CLCA1: variants seen among roughly 807,000 people sequenced by gnomAD.
The protein encoded by CLCA1 is calcium-activated chloride channel regulator 1.
In CLCA1, 59 loss-of-function variants were observed where a neutral mutation model predicts 85.6. The observed-to-expected ratio is 0.69, with a 90% CI of 0.56 to 0.86. The LOEUF is 0.86. CLCA1 is among the 40% of genes least tolerant of loss of function. The pLI, the probability that CLCA1 is intolerant of heterozygous loss-of-function variation, is 0.00. For missense variants in CLCA1, 1,022 were observed against 1,101.4 expected (o/e 0.93, Z 1.02); for synonymous variants, 396 against 398.3 (o/e 0.99, Z 0.07).
At chr1:86,496,020 AG>A (rs1222402591) in intron 12 of CLCA1, among the ~76,000 whole-genome samples, 1 of 152,198 alleles carries the variant, frequency 6.6e-6, no homozygotes, top group Non-Finnish European at 1.5e-5. Context: ...CTTACTTCAA[AG>A]CCCAGCCCTC....
rs1647871771 is a variant in CLCA1, at chr1:86,483,367, A to G, written c.735+985A>G. Among the ~76,000 whole-genome samples, 8 of 152,280 alleles carry G rather than the reference A, an allele frequency of 5.3e-5. No individual in the cohort carries two copies. The South Asian group carries it at 1.7e-3, about 32-fold the overall frequency. On this transcript the variant is annotated intron_variant, in intron 5 of 13. Coordinates refer to ENST00000394711, the MANE Select transcript of CLCA1 (RefSeq NM_001285.4). ...CATAAAAACATTACCGAAACACATG[A>G]CCTGAAAAACGCACATAAAGAGAAA...
intron 13 of CLCA1, among the ~76,000 whole-genome samples, chr1:86,499,289 C>T (rs1049650487): frequency 2.0e-5 from 3 of 152,206 alleles, no homozygotes; most frequent in African/African-American, 7.2e-5. Context: ...GTGATTTGTA[C>T]ACACATTACA....
intron 5 of CLCA1, among the ~76,000 whole-genome samples, chr1:86,484,589 CAAA>C (rs1647910521): frequency 2.0e-5 from 3 of 152,096 alleles, no homozygotes; most frequent in Admixed American, 2.0e-4. Flanking sequence ...TGAGGTGGAA[CAAA>C]CAGAGAGGAA....
chr1:86,498,459 AG>A, intron 12 of CLCA1, 112 bp from the exon 13 acceptor site: 1 of 1,020,288 alleles, frequency 9.8e-7, no homozygotes, highest in South Asian at 1.6e-5. Flanking sequence ...TGTGTGTGGA[AG>A]GAAAGAAGCA....
In CLCA1 at chr1:86,473,487, C is replaced by T; in HGVS notation, c.233C>T (p.Ala78Val). 1 of 1,609,644 alleles carries T rather than the reference C, an allele frequency of 6.2e-7. No homozygotes were observed. Among genetic ancestry groups the T allele is most frequent in the Non-Finnish European group, 8.5e-7 (1 of 1,176,234 alleles). ...TGKRFYFKNV[A>V]ILIPETWKTK... is the part of the protein sequence containing the mutation. ...AAGCGATTTTATTTCAAAAATGTTG[C>T]CATTTTGATTCCTGAAACATGGAAG... The change falls in exon 2 of 14, where the codon GCC (alanine) becomes GTC (valine). Residue 78 changes from alanine (A) to valine (V), a missense_variant. By Grantham distance (64) the Ala-to-Val change is moderately conservative. Coordinates refer to ENST00000394711, the MANE Select transcript of CLCA1 (RefSeq NM_001285.4).
Position 86,494,433 on chromosome 1 carries a change from C to A in CLCA1, c.1927C>A (p.Leu643Met). ...VNGKTVTLEL[L>M]DNGAGADATK... Reference sequence around the variant, plus strand: ...TGGAAAAACAGTTACCTTGGAACTACTGGATAATGGAGCAGGTAATCACCC... The same window carrying A: ...TGGAAAAACAGTTACCTTGGAACTAATGGATAATGGAGCAGGTAATCACCC... Residue 643 changes from leucine to methionine, a missense_variant, in exon 11 of 14, where the codon CTG becomes ATG. Physicochemically the swap from Leu to Met is conservative, Grantham distance 15. Transcript: ENST00000394711. 1 of 1,614,128 alleles carries A rather than the reference C, an allele frequency of 6.2e-7. No homozygotes were observed. Among genetic ancestry groups the A allele is most frequent in the Non-Finnish European group, 8.5e-7 (1 of 1,179,962 alleles).
rs767978568 is a variant in CLCA1 at position 86,473,775 on chromosome 1, C to A, written c.350C>A (p.Pro117His). 6.2e-7 allele frequency: 1 copy of A among 1,612,316 alleles called. No individual in the cohort carries two copies. Among genetic ancestry groups the A allele is most frequent in the Non-Finnish European group, 8.5e-7 (1 of 1,179,076 alleles). Residue 117 changes from proline to histidine, a missense_variant, in exon 3 of 14, where the codon CCC becomes CAC. Pro to His is a moderately conservative substitution (Grantham distance 77). Transcript: ENST00000394711. Reference sequence around the variant, plus strand: ...TCTACTCCTCCAGGTAATGATGAACCCTACACTGAGCAGATGGGCAACTGT... The same window carrying A: ...TCTACTCCTCCAGGTAATGATGAACACTACACTGAGCAGATGGGCAACTGT... ...AESTPPGNDEPYTEQMGNCGE... is the reference protein window; with the variant it reads ...AESTPPGNDEHYTEQMGNCGE...
In CLCA1 at chr1:86,493,538, G is replaced by A. The variant is rs975855575; in HGVS notation, c.1619G>A (p.Gly540Asp). The change falls in exon 10 of 14, where the codon GGT (glycine) becomes GAT (aspartate). Residue 540 changes from glycine to aspartate, a missense_variant. Gly to Asp is a moderately conservative substitution (Grantham distance 94, BLOSUM62 -1). Transcript: ENST00000394711. ...TGGGATCCCAGTGGACAGAAGCAAG[G>A]TGGCTTTGTAGTGGACAAAAACACC... ...LLWDPSGQKQ[G>D]GFVVDKNTKM... 3 of 1,614,010 alleles carry A rather than the reference G, an allele frequency of 1.9e-6. No individual in the cohort carries two copies. In the African/African-American group the frequency reaches 4.0e-5, roughly 22 times the overall value.
intron 13 of CLCA1, among the ~76,000 whole-genome samples, chr1:86,499,128 G>T (rs1285229313): frequency 6.6e-6 from 1 of 152,214 alleles, no homozygotes; most frequent in African/African-American, 2.4e-5. Context: ...TGGAAATGGA[G>T]CATAGATGTC....
chr1:86,491,540 A>G (rs1415845243), intron 9 of CLCA1, among the ~76,000 whole-genome samples, 169 bp downstream of exon 9: 1 of 152,226 alleles, frequency 6.6e-6, no homozygotes, highest in Admixed American at 6.5e-5. Flanking sequence ...AACACTACTC[A>G]TTTAAACAAG....
At chr1:86,488,697 A>C (rs927890760) in intron 7 of CLCA1, among the ~76,000 whole-genome samples, 3 of 152,196 alleles carry the variant, frequency 2.0e-5, no homozygotes, top group Non-Finnish European at 4.4e-5. Context: ...GACCAAGTGA[A>C]GGAAACTAGG....
At chr1:86,482,107 GA>G (rs1453378715) in intron 4 of CLCA1, 97 bp from the exon 5 acceptor site, 42 of 842,970 alleles carry the variant, frequency 5.0e-5, no homozygotes, top group Non-Finnish European at 7.2e-5. Flanking sequence ...ATCATGAGAG[GA>G]AAATCACAGA....
rs773277903 is a variant in CLCA1, at chr1:86,493,441, G to T, written c.1522G>T (p.Val508Leu). 1.2e-6 allele frequency: 2 copies of T among 1,613,928 alleles called. No homozygotes were observed. The highest frequency in any genetic ancestry group is 1.1e-5 in the South Asian group (1 of 91,082). Residue 508 changes from valine to leucine, a missense_variant, in exon 10 of 14, where the codon GTG (valine) becomes TTG (leucine). By Grantham distance (32) the Val-to-Leu change is conservative. Coordinates refer to ENST00000394711, the MANE Select transcript of CLCA1 (RefSeq NM_001285.4). The part of the protein sequence containing the change: ...NSQWMNGTVI[V>L]DSTVGKDTLF... ...CCAGTGGATGAATGGCACAGTGATC[G>T]TGGACAGCACCGTGGGAAAGGACAC...
Position 86,498,603 on chromosome 1 carries a change from A to G in CLCA1, c.2145A>G (p.Glu715=). Residue 715 remains glutamate (E), a synonymous_variant, in exon 13 of 14, where the codon GAA becomes GAG. Coordinates refer to ENST00000394711, the MANE Select transcript of CLCA1 (RefSeq NM_001285.4). ...DEIQWNPPRP[E]INKDDVQHKQ... ...TACAATGGAATCCACCAAGACCTGA[A>G]ATTAATAAGGATGATGTTCAACACA... is the stretch of plus-strand genomic sequence containing the variant. The G allele has an allele frequency of 1.2e-6, 2 of 1,613,748 alleles. No individual in the cohort carries two copies. Among genetic ancestry groups the G allele is most frequent in the Non-Finnish European group, 1.7e-6 (2 of 1,179,854 alleles).
chr1:86,495,413 T>A (rs1292792691), intron 11 of CLCA1, 92 bp from the exon 12 acceptor site: 1 of 1,067,548 alleles, frequency 9.4e-7, no homozygotes, highest in Non-Finnish European at 1.4e-6. Context: ...GAATTTCTTG[T>A]TGCTTTGAAA....
Position 86,473,721 on chromosome 1 carries a change from A to C in CLCA1, c.304-8A>C. ...TTGTGATGATAGAAACTTTTTCTTA[A>C]ATTTCAGGCTGATGTTCTGGTTGCT... On this transcript the variant is annotated splice_region_variant and splice_polypyrimidine_tract_variant and intron_variant, in intron 2 of 13. Coordinates refer to ENST00000394711, the MANE Select transcript of CLCA1 (RefSeq NM_001285.4). 1 of 1,561,818 alleles carries C rather than the reference A, an allele frequency of 6.4e-7. No individual in the cohort carries two copies. The highest frequency in any genetic ancestry group is 8.7e-7 in the Non-Finnish European group (1 of 1,154,818).
chr1:86,478,353 G>A (rs1395608968), intron 4 of CLCA1, among the ~76,000 whole-genome samples: 1 of 151,172 alleles, frequency 6.6e-6, no homozygotes, highest in African/African-American at 2.4e-5. Context: ...CTTGAACCCG[G>A]GAGGCGGAAG....
Position 86,498,755 on chromosome 1 carries a change from G to A in CLCA1, c.2297G>A (p.Gly766Asp), listed in dbSNP as rs1407048801. Residue 766 changes from glycine (G) to aspartate (D), a missense_variant, in exon 13 of 14, where the codon GGC becomes GAC. Gly to Asp is a moderately conservative substitution (Grantham distance 94). Transcript: ENST00000394711. ...ITDLKAEIHG[G>D]SLINLTWTAP... ...GACCTGAAGGCGGAAATTCACGGGGGCAGTCTCATTAATCTGACTTGGACA... is the reference window on the plus strand; with the variant it reads ...GACCTGAAGGCGGAAATTCACGGGGACAGTCTCATTAATCTGACTTGGACA... The A allele has an allele frequency of 1.2e-6, 2 of 1,613,982 alleles. No homozygotes were observed. The highest frequency in any genetic ancestry group is 2.7e-5 in the African/African-American group (2 of 74,890).
At position 86,483,154 on chromosome 1, in the gene CLCA1, C is replaced by T. The variant is rs753142568; in HGVS notation, c.735+772C>T. On this transcript the variant is annotated intron_variant, in intron 5 of 13. Transcript: ENST00000394711. ...ATGCACCATGGCTCACCAGGCCCAT[C>T]GTCCTTCAATTTGGCATTGCAGTCC... is the stretch of plus-strand genomic sequence containing the variant. Among the ~76,000 whole-genome samples the T allele has an allele frequency of 2.0e-4, 30 of 152,276 alleles. No homozygotes were observed. In the East Asian group the frequency reaches 3.1e-3, roughly 16 times the overall value.
Sources: allele counts gnomAD v4.1 joint callset (sites outside exome capture counted in the v4.1 genomes callset), GRCh38; gene constraint gnomAD v4.1.1; transcripts MANE v1.5; gene names NCBI Gene and HGNC (gene_info 2026-07-23, HGNC 2026-07-21).